The following C11orf65 variants were observed in gnomAD, a reference collection of about 807,000 sequenced individuals.
The protein encoded by C11orf65 is protein MFI.
Under a neutral mutation model 35.3 loss-of-function variants are expected in C11orf65, and 38 were observed. That is an observed-to-expected ratio of 1.08 (90% CI 0.83 to 1.41). C11orf65 has a LOEUF of 1.41. Among genes scored for constraint, C11orf65 ranks in the 40% most tolerant of loss-of-function variants. The pLI, the probability that C11orf65 is intolerant of heterozygous loss-of-function variation, is 0.00. For synonymous variants in C11orf65, 105 were observed against 114.4 expected (o/e 0.92, Z 0.53); for missense variants, 370 against 367.1 (o/e 1.01, Z -0.06).
chr11:108,462,188 C>T (rs1808815138), intron 1 of C11orf65, among the ~76,000 whole-genome samples: 1 of 152,006 alleles, frequency 6.6e-6, no homozygotes, highest in African/African-American at 2.4e-5. Context: ...GGACTACAGG[C>T]ACATGCTACG....
chr11:108,387,122 G>T, intron 7 of C11orf65, among the ~76,000 whole-genome samples: 1 of 142,978 alleles, frequency 7.0e-6, no homozygotes, highest in African/African-American at 2.6e-5. Context: ...AGAAAACACT[G>T]TGATTTTCTT....
intron 2 of C11orf65, among the ~76,000 whole-genome samples, chr11:108,340,837 T>C (rs2087467299): frequency 6.6e-6 from 1 of 152,208 alleles, no homozygotes; most frequent in Non-Finnish European, 1.5e-5. Context: ...AAATCATCTC[T>C]GGGTTACTTA....
intron 7 of C11orf65, 52 bp from the exon 8 acceptor site, chr11:108,386,027 A>G: frequency 7.1e-7 from 1 of 1,401,404 alleles, no homozygotes; most frequent in South Asian, 1.2e-5. Context: ...ATTAGTACAT[A>G]CTTAGACTAC....
chr11:108,443,676 C>T (rs1361572816), intron 2 of C11orf65, among the ~76,000 whole-genome samples: 7 of 151,992 alleles, frequency 4.6e-5, no homozygotes, highest in Admixed American at 2.0e-4. Context: ...CACTCAAAAC[C>T]GCTCAACTAC....
At chr11:108,354,688 G>C in intron 2 of C11orf65, 1 of 878,464 alleles carries the variant, frequency 1.1e-6, no homozygotes, top group East Asian at 2.4e-5. Flanking sequence ...GCTATTTTGA[G>C]ATACAGATAT....
chr11:108,468,419 G>A (rs1322691767), upstream of C11orf65, among the ~76,000 whole-genome samples: 1 of 152,228 alleles, frequency 6.6e-6, no homozygotes, highest in Non-Finnish European at 1.5e-5. Context: ...CAGTGCTTTA[G>A]TTGGTCACAG....
chr11:108,461,681 G>T, intron 1 of C11orf65, 113 bp from the exon 2 acceptor site: 1 of 674,038 alleles, frequency 1.5e-6, no homozygotes, highest in Non-Finnish European at 2.4e-6. Flanking sequence ...AAGCTGGAGT[G>T]CAGTGGTGCG....
intron 2 of C11orf65, among the ~76,000 whole-genome samples, chr11:108,356,964 G>C (rs1314460497): frequency 2.0e-5 from 3 of 152,224 alleles, no homozygotes; most frequent in Admixed American, 2.0e-4. Flanking sequence ...AATAGGAACA[G>C]CTCCGGTATA....
chr11:108,373,885 G>C (rs2091641685), intron 2 of C11orf65, among the ~76,000 whole-genome samples: 1 of 152,242 alleles, frequency 6.6e-6, no homozygotes, highest in African/African-American at 2.4e-5. Context: ...CCCGCACCTG[G>C]CTTGGAGGGT....
intron 2 of C11orf65, among the ~76,000 whole-genome samples, chr11:108,447,062 C>T (rs2135582166): frequency 6.6e-6 from 1 of 152,258 alleles, no homozygotes; most frequent in South Asian, 2.1e-4. Context: ...ATAAAGGGAT[C>T]AATTCAACAA....
intron 2 of C11orf65, among the ~76,000 whole-genome samples, chr11:108,448,915 T>C (rs1230335462): frequency 6.6e-6 from 1 of 152,228 alleles, no homozygotes; most frequent in Non-Finnish European, 1.5e-5. Flanking sequence ...CTCCTTAAGC[T>C]GATAAGCAAC....
chr11:108,360,100 A>G (rs1174933610), intron 2 of C11orf65, among the ~76,000 whole-genome samples: 1 of 151,694 alleles, frequency 6.6e-6, no homozygotes, highest in Admixed American at 6.6e-5. Flanking sequence ...ACAATAAAAA[A>G]TGATAAAGGG....
intron 3 of C11orf65, chr11:108,332,999 C>T (rs1181902896): frequency 1.5e-5 from 22 of 1,431,274 alleles, no homozygotes; most frequent in African/African-American, 4.3e-5. Flanking sequence ...TGCTTAAAAT[C>T]ACAAACGTAA....
At position 108,343,306 on chromosome 11, in the gene C11orf65, G is replaced by A. The variant is rs587782417; in HGVS notation, c.227-8014C>T. The A allele has an allele frequency of 2.5e-6, 4 of 1,614,050 alleles. No homozygotes were observed. Among genetic ancestry groups the A allele is most frequent in the East Asian group, 2.2e-5 (1 of 44,884 alleles). ...TGGTGAATTTCTTGTTAACAATGAA[G>A]ATGGTGCTCATAAAAGATACAGGCC... On this transcript the variant is annotated intron_variant, in intron 2 of 3. Transcript: ENST00000524755.
chr11:108,414,082 G>T (rs148732176), intron 3 of C11orf65, among the ~76,000 whole-genome samples: 23 of 151,978 alleles, frequency 1.5e-4, no homozygotes, highest in African/African-American at 5.5e-4. Context: ...AGAAATCAAT[G>T]AAATTGATAA....
intron 3 of C11orf65, among the ~76,000 whole-genome samples, chr11:108,429,232 A>G (rs1342857705): frequency 2.0e-5 from 3 of 152,220 alleles, no homozygotes; most frequent in African/African-American, 7.2e-5. Context: ...CTACATTAAA[A>G]TTAAGAACTT....
chr11:108,447,911 A>C (rs201579500), intron 2 of C11orf65, among the ~76,000 whole-genome samples: 2 of 152,154 alleles, frequency 1.3e-5, no homozygotes, highest in African/African-American at 2.4e-5. Flanking sequence ...GAAAAAAGAG[A>C]GAAGAATCAA....
At chr11:108,467,847 T>A (rs905441830), upstream of C11orf65, among the ~76,000 whole-genome samples, 44 of 152,130 alleles carry the variant, frequency 2.9e-4, no homozygotes, top group Non-Finnish European at 1.5e-4. Context: ...TTTCTTGAGA[T>A]AGGGTCTCAA....
At chr11:108,321,818 G>A (rs554860787) in intron 6 of C11orf65, among the ~76,000 whole-genome samples, 120 of 151,794 alleles carry the variant, frequency 7.9e-4, no homozygotes, top group Non-Finnish European at 1.2e-3. Context: ...GAGACCAAAT[G>A]TGTGTGTTTC....
Sources: gnomAD v4.1 joint callset for allele counts (sites outside exome capture counted in the v4.1 genomes callset) on GRCh38, gnomAD v4.1.1 for gene constraint, MANE v1.5 for transcripts, NCBI Gene and HGNC (gene_info 2026-07-23, HGNC 2026-07-21) for gene names.